The following FAM135B variants were observed in gnomAD, a reference collection of about 807,000 sequenced individuals.
The protein encoded by FAM135B is protein FAM135B.
Under a neutral mutation model 127.7 loss-of-function variants are expected in FAM135B, and 43 were observed. The observed-to-expected ratio is 0.34, with a 90% CI of 0.26 to 0.43. The LOEUF (loss-of-function observed/expected upper bound fraction) is 0.43, where lower values mean the gene tolerates loss of function less well. Ranked by LOEUF, FAM135B falls within the 20% of genes least tolerant of loss-of-function variation. The pLI is 1.00. For missense variants in FAM135B, 1,558 were observed against 1,725.6 expected (o/e 0.90, Z 1.72); for synonymous variants, 670 against 665.1 (o/e 1.01, Z -0.11).
intron 9 of FAM135B, among the ~76,000 whole-genome samples, chr8:138,189,385 C>T (rs1474485918): frequency 1.3e-5 from 2 of 152,210 alleles, no homozygotes; most frequent in South Asian, 2.1e-4. Flanking sequence ...CCTCATTTTT[C>T]CTGGATGCCA....
chr8:138,239,157 A>G (rs904922284), intron 7 of FAM135B, among the ~76,000 whole-genome samples: 1 of 152,140 alleles, frequency 6.6e-6, no homozygotes, highest in African/African-American at 2.4e-5. Flanking sequence ...TAAGAAAACT[A>G]AGTTTCCCAG....
intron 4 of FAM135B, among the ~76,000 whole-genome samples, chr8:138,257,181 A>C (rs1302264139): frequency 6.6e-6 from 1 of 152,116 alleles, no homozygotes; most frequent in Non-Finnish European, 1.5e-5. Context: ...AGTCAGAGCA[A>C]TGTCATCTCT....
intron 2 of FAM135B, among the ~76,000 whole-genome samples, chr8:138,331,090 C>T (rs1828143518): frequency 2.6e-5 from 4 of 152,144 alleles, no homozygotes. Flanking sequence ...GATCCACCTG[C>T]CTTGGCCTCC....
chr8:138,158,633 G>T (rs1459344282), intron 12 of FAM135B, among the ~76,000 whole-genome samples: 3 of 152,152 alleles, frequency 2.0e-5, no homozygotes, highest in Non-Finnish European at 2.9e-5. Flanking sequence ...TGGGCAAAGG[G>T]TATGAACAGA....
At chr8:138,296,260 T>C (rs1394629318) in intron 3 of FAM135B, among the ~76,000 whole-genome samples, 1 of 152,182 alleles carries the variant, frequency 6.6e-6, no homozygotes, top group African/African-American at 2.4e-5. Context: ...TGGCTTCCTT[T>C]CAAATTTCAC....
chr8:138,439,758 A>G (rs1835659367), intron 1 of FAM135B: 1 of 152,206 alleles, frequency 6.6e-6, no homozygotes, highest in Non-Finnish European at 1.5e-5. Context: ...CCATGTTACA[A>G]CTGAAGAAAT....
At chr8:138,188,864 AGACTTAGT>A (rs1394119603) in intron 9 of FAM135B, among the ~76,000 whole-genome samples, 1 of 152,188 alleles carries the variant, frequency 6.6e-6, no homozygotes, top group African/African-American at 2.4e-5. Flanking sequence ...TTTCCTGGGT[AGACTTAGT>A]GACACATCAA....
chr8:138,406,238 T>G (rs573346379), intron 1 of FAM135B, among the ~76,000 whole-genome samples: 8 of 152,022 alleles, frequency 5.3e-5, no homozygotes, highest in Non-Finnish European at 1.0e-4. Context: ...CATTTGTCAA[T>G]TTTGGATCTG....
intron 3 of FAM135B, among the ~76,000 whole-genome samples, chr8:138,283,336 T>C (rs1824415615): frequency 6.6e-6 from 1 of 152,046 alleles, no homozygotes; most frequent in African/African-American, 2.4e-5. Flanking sequence ...TACTTATTAC[T>C]AATTGAAATA....
At chr8:138,350,197 A>T (rs1829680971) in intron 2 of FAM135B, among the ~76,000 whole-genome samples, 1 of 152,180 alleles carries the variant, frequency 6.6e-6, no homozygotes, top group Non-Finnish European at 1.5e-5. Context: ...CATTCTCATG[A>T]TATTTCAAAG....
At chr8:138,275,056 A>T (rs1163767689) in intron 3 of FAM135B, among the ~76,000 whole-genome samples, 1 of 152,190 alleles carries the variant, frequency 6.6e-6, no homozygotes, top group East Asian at 1.9e-4. Context: ...TTGATTGGGG[A>T]AGTGATAAGT....
chr8:138,151,958 C>T lies in FAM135B; in HGVS notation c.2517G>A (p.Gln839=), dbSNP rs770271569. 1.2e-6 allele frequency: 2 copies of T among 1,614,134 alleles called. No individual in the cohort carries two copies. Among genetic ancestry groups the T allele is most frequent in the East Asian group, 2.2e-5 (1 of 44,866 alleles). ...LVEIVLDADN[Q]QGPGYIDIPK... Reference sequence around the variant, plus strand: ...GGATGTCTATGTATCCGGGGCCCTGCTGGTTGTCAGCATCTAAAACTATCT... The same window carrying T: ...GGATGTCTATGTATCCGGGGCCCTGTTGGTTGTCAGCATCTAAAACTATCT... Residue 839 remains glutamine (Q), a synonymous_variant, in exon 13 of 20, where the codon CAG becomes CAA. Coordinates refer to ENST00000395297, the MANE Select transcript of FAM135B (RefSeq NM_015912.4).
intron 11 of FAM135B, among the ~76,000 whole-genome samples, chr8:138,175,670 G>A (rs1347595561): frequency 2.0e-5 from 3 of 152,110 alleles, no homozygotes; most frequent in Non-Finnish European, 4.4e-5. Flanking sequence ...TTTGTCCTTT[G>A]TCTGTTTTTC....
intron 7 of FAM135B, among the ~76,000 whole-genome samples, chr8:138,240,372 A>G (rs922211616): frequency 6.6e-6 from 1 of 152,282 alleles, no homozygotes; most frequent in Non-Finnish European, 1.5e-5. Flanking sequence ...ACTTCATACC[A>G]GGTCTAACGT....
intron 7 of FAM135B, among the ~76,000 whole-genome samples, chr8:138,222,680 T>G (rs1182568447): frequency 6.7e-5 from 3 of 45,062 alleles, no homozygotes; most frequent in East Asian, 6.6e-4. Context: ...TTGGTGGTGT[T>G]TTTTTTTTTT....
At chr8:138,251,058 C>A (rs1337331128) in intron 5 of FAM135B, 44 bp from the exon 6 acceptor site, 1 of 1,605,830 alleles carries the variant, frequency 6.2e-7, no homozygotes, top group South Asian at 1.1e-5. Context: ...TGGTGGGTTG[C>A]CCCTGCTGTC....
At chr8:138,144,719 G>C (rs2130645223) in intron 15 of FAM135B, among the ~76,000 whole-genome samples, 2 of 152,248 alleles carry the variant, frequency 1.3e-5, no homozygotes, top group South Asian at 2.1e-4. Flanking sequence ...AATCAGTACT[G>C]AGTGGCCAAC....
chr8:138,492,882 T>C (rs920591092), intron 1 of FAM135B, among the ~76,000 whole-genome samples: 1 of 152,196 alleles, frequency 6.6e-6, no homozygotes, highest in Non-Finnish European at 1.5e-5. Flanking sequence ...CCGATTTCCA[T>C]GCCTGATCCC....
intron 2 of FAM135B, among the ~76,000 whole-genome samples, chr8:138,334,757 T>C (rs949206957): frequency 2.6e-5 from 4 of 152,282 alleles, no homozygotes; most frequent in African/African-American, 9.6e-5. Flanking sequence ...TATTCTACGG[T>C]GTATATGAAC....
Sources: gnomAD v4.1 joint callset for allele counts (sites outside exome capture counted in the v4.1 genomes callset) on GRCh38, gnomAD v4.1.1 for gene constraint, MANE v1.5 for transcripts, NCBI Gene and HGNC (gene_info 2026-07-23, HGNC 2026-07-21) for gene names.